ZC3H14: variants seen among roughly 807,000 people sequenced by gnomAD.
ZC3H14 encodes zinc finger CCCH domain-containing protein 14.
In ZC3H14, 31 loss-of-function variants were observed where a neutral mutation model predicts 92.4. The ratio of observed to expected loss-of-function variants is 0.34; its 90% CI spans 0.25 to 0.45. ZC3H14 has a LOEUF of 0.45. ZC3H14 is among the 20% of genes least tolerant of loss of function. The pLI is 1.00. For missense variants in ZC3H14, 781 were observed against 897.3 expected (o/e 0.87, Z 1.66); for synonymous variants, 321 against 300.9 (o/e 1.07, Z -0.69).
chr14:88,569,869 G>C (rs539064878), intron 3 of ZC3H14, among the ~76,000 whole-genome samples: 1 of 152,244 alleles, frequency 6.6e-6, no homozygotes, highest in South Asian at 2.1e-4. Context: ...GTCATCAGTT[G>C]TTATGATACA....
intron 10 of ZC3H14, among the ~76,000 whole-genome samples, chr14:88,600,477 C>G (rs1278162467): frequency 6.7e-6 from 1 of 149,968 alleles, no homozygotes; most frequent in Non-Finnish European, 1.5e-5. Context: ...GAGTCTCCCT[C>G]TGTCACTCGT....
In ZC3H14 at chr14:88,618,794, C is replaced by G; in HGVS notation, c.*7043C>G. On this transcript the variant is annotated 3_prime_UTR_variant, in exon 17 of 17. Transcript: ENST00000251038. ...TCTCACTAGAACCTACTGCCAGATA[C>G]CGGGAATCCGGACTAAATCTGAATC... is the stretch of plus-strand genomic sequence containing the variant. 6.3e-7 allele frequency: 1 copy of G among 1,589,530 alleles called. No homozygotes were observed. Among genetic ancestry groups the G allele is most frequent in the Middle Eastern group, 1.7e-4 (1 of 5,934 alleles).
At chr14:88,573,459 G>A (rs2080742119) in intron 6 of ZC3H14, among the ~76,000 whole-genome samples, 1 of 152,076 alleles carries the variant, frequency 6.6e-6, no homozygotes, top group African/African-American at 2.4e-5. Context: ...TTGAGAAGGA[G>A]TTTCACTCTT....
chr14:88,568,264 A>G, intron 3 of ZC3H14, 111 bp downstream of exon 3: 1 of 846,118 alleles, frequency 1.2e-6, no homozygotes, highest in Non-Finnish European at 2.0e-6. Context: ...TTGGAGAGGC[A>G]GTTTGTGAGT....
intron 2 of ZC3H14, among the ~76,000 whole-genome samples, chr14:88,567,556 G>A (rs1222932830): frequency 1.3e-5 from 2 of 151,872 alleles, no homozygotes; most frequent in South Asian, 2.1e-4. Context: ...GAGCTTTTGG[G>A]TCTATTTGTT....
At chr14:88,595,859 A>G (rs1435539862) in intron 9 of ZC3H14, among the ~76,000 whole-genome samples, 2 of 152,188 alleles carry the variant, frequency 1.3e-5, no homozygotes, top group Non-Finnish European at 2.9e-5. Context: ...AGATTTCAGT[A>G]TTTGCAACCC....
At chr14:88,591,108 G>A (rs999333352) in intron 9 of ZC3H14, 3 of 152,136 alleles carry the variant, frequency 2.0e-5, no homozygotes, top group Admixed American at 6.5e-5. Context: ...TTTTACTTAC[G>A]TACACATGCT....
At chr14:88,586,454 A>C (rs1217776150) in intron 9 of ZC3H14, 1 of 152,150 alleles carries the variant, frequency 6.6e-6, no homozygotes, top group African/African-American at 2.4e-5. Context: ...GGATACCCAA[A>C]TCTAGGTTGT....
intron 2 of ZC3H14, among the ~76,000 whole-genome samples, chr14:88,565,418 G>C (rs2139444612): frequency 6.6e-6 from 1 of 152,228 alleles, no homozygotes; most frequent in East Asian, 1.9e-4. Context: ...TGGGATTACA[G>C]GTGTCAGCCA....
In ZC3H14 at chr14:88,575,936, T is replaced by C; in HGVS notation, c.1119T>C (p.Ser373=). The change falls in exon 8 of 17, where the codon TCT becomes TCC. Residue 373 remains serine (S), a synonymous_variant. Coordinates refer to ENST00000251038, the MANE Select transcript of ZC3H14 (RefSeq NM_024824.5). Reference sequence around the variant, plus strand: ...CCGTAACAAAAACAACTAACTACTCTACAGGTAATTTAAATGTATTATGTT... The same window carrying C: ...CCGTAACAAAAACAACTAACTACTCCACAGGTAATTTAAATGTATTATGTT... ...QESVTKTTNY[S]TVPQKQTLPV... is the part of the protein sequence containing the mutation. 1 of 1,603,840 alleles carries C rather than the reference T, an allele frequency of 6.2e-7. No homozygotes were observed. Among genetic ancestry groups the C allele is most frequent in the Non-Finnish European group, 8.5e-7 (1 of 1,170,986 alleles).
At chr14:88,594,813 C>G in intron 9 of ZC3H14, 1 of 1,614,024 alleles carries the variant, frequency 6.2e-7, no homozygotes, top group Non-Finnish European at 8.5e-7. Flanking sequence ...TAACAAGCTC[C>G]TCTTGTTCAC....
chr14:88,611,208 C>CTCAA (rs1348246385), intron 16 of ZC3H14, among the ~76,000 whole-genome samples: 2 of 151,850 alleles, frequency 1.3e-5, no homozygotes, highest in East Asian at 3.9e-4. Flanking sequence ...TCACTGCAGC[C>CTCAA]TCAAACCCCT....
rs2087224577 is a variant in ZC3H14 at position 88,614,051 on chromosome 14, T to G, written c.*2300T>G. On this transcript the variant is annotated 3_prime_UTR_variant, in exon 17 of 17. Coordinates refer to ENST00000251038, the MANE Select transcript of ZC3H14 (RefSeq NM_024824.5). ...ACAGTTTTATTCTATGTAGTTTACA[T>G]GCTTAAGGTTACAGAGTTTCTACCT... The G allele has an allele frequency of 6.6e-6, 1 of 152,228 alleles. No homozygotes were observed. The highest frequency in any genetic ancestry group is 1.5e-5 in the Non-Finnish European group (1 of 68,048). The allele number at this position is 152,228 out of a possible 1,614,324, so 9.4% of individuals were successfully genotyped here.
intron 9 of ZC3H14, among the ~76,000 whole-genome samples, chr14:88,587,461 A>T (rs1356959528): frequency 6.6e-6 from 1 of 151,912 alleles, no homozygotes; most frequent in Non-Finnish European, 1.5e-5. Flanking sequence ...CCACCATGCC[A>T]GGCCTCTCTT....
chr14:88,563,604 TC>T (rs752687242), intron 1 of ZC3H14, 46 bp from the exon 2 acceptor site: 388 of 1,609,784 alleles, frequency 2.4e-4, no homozygotes, highest in Non-Finnish European at 3.1e-4. Flanking sequence ...GGTCTTGTTT[TC>T]CTAGAGCCGC....
chr14:88,602,169 G>A (rs1039759965), intron 11 of ZC3H14, 86 bp downstream of exon 11: 362 of 1,574,074 alleles, frequency 2.3e-4, no homozygotes, highest in Non-Finnish European at 3.1e-4. Context: ...CCTCCTCCCC[G>A]CCCTAACCGC....
intron 9 of ZC3H14, among the ~76,000 whole-genome samples, chr14:88,588,955 A>G (rs1182635920): frequency 2.0e-5 from 3 of 152,174 alleles, no homozygotes; most frequent in South Asian, 4.1e-4. Flanking sequence ...CTTTGTGGAT[A>G]CAGAATCATC....
chr14:88,623,806 G>C lies in ZC3H14; in HGVS notation c.*12055G>C, dbSNP rs2089482393. Reference sequence around the variant, plus strand: ...GAACAGTTTAGCAGGCTTCTAGTGAGTGGGGGTGTGCAGGAGTAAATGACG... The same window carrying C: ...GAACAGTTTAGCAGGCTTCTAGTGACTGGGGGTGTGCAGGAGTAAATGACG... On this transcript the variant is annotated 3_prime_UTR_variant, in exon 17 of 17. Coordinates refer to ENST00000251038, the MANE Select transcript of ZC3H14 (RefSeq NM_024824.5). The C allele has an allele frequency of 2.0e-5, 3 of 152,212 alleles. No individual in the cohort carries two copies. In the South Asian group the frequency reaches 6.2e-4, roughly 32 times the overall value. 9.4% of individuals were successfully genotyped at this position (152,212 alleles called of 1,614,324 possible).
intron 16 of ZC3H14, among the ~76,000 whole-genome samples, chr14:88,611,349 C>T (rs1462465855): frequency 6.6e-6 from 1 of 152,090 alleles, no homozygotes; most frequent in Non-Finnish European, 1.5e-5. Flanking sequence ...TCCACCGTGG[C>T]CTTCCAAAGT....
Sources: allele counts gnomAD v4.1 joint callset (sites outside exome capture counted in the v4.1 genomes callset), GRCh38; gene constraint gnomAD v4.1.1; transcripts MANE v1.5; gene names NCBI Gene and HGNC (gene_info 2026-07-23, HGNC 2026-07-21).